The following DTWD1 variants were observed in gnomAD, a reference collection of about 807,000 sequenced individuals.
DTWD1 encodes the protein tRNA-uridine aminocarboxypropyltransferase 1.
In DTWD1, 27 loss-of-function variants were observed where a neutral mutation model predicts 30.2. That is an observed-to-expected ratio of 0.90 (90% CI 0.66 to 1.23). DTWD1 has a LOEUF of 1.23. DTWD1 is among the 50% of genes most tolerant of loss of function. The probability of loss-of-function intolerance (pLI) is 0.00; values close to 1 mark genes in which losing one functional copy is unlikely to be tolerated. For missense variants in DTWD1, 342 were observed against 348.8 expected (o/e 0.98, Z 0.15); for synonymous variants, 99 against 113.1 (o/e 0.88, Z 0.79).
rs775962273 is a variant in DTWD1 at position 49,625,471 on chromosome 15, A to AT, written c.264+46dup. On this transcript the variant is annotated intron_variant, in intron 2 of 4. Coordinates refer to ENST00000403028, the MANE Select transcript of DTWD1 (RefSeq NM_001144955.2). ...TAATTGTTTGAAAGTATGAAAATAGATTTTTTAAAAACATCTCATGTATAC... is the reference window on the plus strand; with the variant it reads ...TAATTGTTTGAAAGTATGAAAATAGATTTTTTTAAAAACATCTCATGTATAC... 1.0e-5 allele frequency: 16 copies of AT among 1,554,690 alleles called. No homozygotes were observed. In the African/African-American group the frequency reaches 1.8e-4, roughly 17 times the overall value.
At position 49,655,278 on chromosome 15, in the gene DTWD1, T is replaced by A. The variant is rs1244030048; in HGVS notation, c.*11700T>A. 4 of 152,076 alleles carry A rather than the reference T, an allele frequency of 2.6e-5. No homozygotes were observed. The highest frequency in any genetic ancestry group is 9.7e-5 in the African/African-American group (4 of 41,440). The allele number at this position is 152,076 out of a possible 1,614,324, so 9.4% of individuals were successfully genotyped here. A position where few individuals can be genotyped will look rare whatever the true frequency, so the allele number is the denominator to read the frequency against. On this transcript the variant is annotated 3_prime_UTR_variant, in exon 5 of 5. Coordinates refer to ENST00000403028, the MANE Select transcript of DTWD1 (RefSeq NM_001144955.2). ...TACACAGAAATGAGAAATTTTAAAA[T>A]GGTTGATTTAGGTAATTAAGTTTTG...
At chr15:49,632,482 T>C (rs1185061433) in intron 3 of DTWD1, among the ~76,000 whole-genome samples, 180 bp downstream of exon 3, 1 of 152,280 alleles carries the variant, frequency 6.6e-6, no homozygotes, top group Non-Finnish European at 1.5e-5. Context: ...CAGATGTTTC[T>C]AGACTGCTAT....
chr15:49,630,767 C>T (rs1028375240), intron 2 of DTWD1: 7 of 167,348 alleles, frequency 4.2e-5, no homozygotes, highest in African/African-American at 9.6e-5. Context: ...GGAACCAGGC[C>T]GCACACCAAG....
rs1051836654 is a variant in DTWD1, at chr15:49,652,400, C to T, written c.*8822C>T. ...TGGGCAGAAGTAATAAATGTGGTGC[C>T]CAAGTGATAAACCTACCAAATTGAG... is the stretch of plus-strand genomic sequence containing the variant. On this transcript the variant is annotated 3_prime_UTR_variant, in exon 5 of 5. Coordinates refer to ENST00000403028, the MANE Select transcript of DTWD1 (RefSeq NM_001144955.2). The T allele has an allele frequency of 2.6e-5, 4 of 151,950 alleles. No homozygotes were observed. Among genetic ancestry groups the T allele is most frequent in the African/African-American group, 9.7e-5 (4 of 41,376 alleles). 9.4% of individuals were successfully genotyped at this position (151,950 alleles called of 1,614,324 possible).
chr15:49,653,396 A>G lies in DTWD1; in HGVS notation c.*9818A>G, dbSNP rs2153355091. On this transcript the variant is annotated 3_prime_UTR_variant, in exon 5 of 5. Transcript: ENST00000403028. ...AAGCAAAGAAACAGATTCTTTCCAG[A>G]GTGTCCAGAAAGGAATGCAGTTCAG... The G allele has an allele frequency of 6.6e-6, 1 of 152,264 alleles. No homozygotes were observed. Among genetic ancestry groups the G allele is most frequent in the Admixed American group, 6.5e-5 (1 of 15,272 alleles). The allele number at this position is 152,264 out of a possible 1,614,324, so 9.4% of individuals were successfully genotyped here. A position where few individuals can be genotyped will look rare whatever the true frequency, so the allele number is the denominator to read the frequency against.
rs972392582 is a variant in DTWD1 at position 49,655,322 on chromosome 15, C to T, written c.*11744C>T. ...AGTTTTGGGGTGGTTTATTACATAG[C>T]AATTGATAACTGATACAACAGTCTT... is the stretch of plus-strand genomic sequence containing the variant. On this transcript the variant is annotated 3_prime_UTR_variant, in exon 5 of 5. Transcript: ENST00000403028. 3 of 151,924 alleles carry T rather than the reference C, an allele frequency of 2.0e-5. No individual in the cohort carries two copies. The highest frequency in any genetic ancestry group is 4.4e-5 in the Non-Finnish European group (3 of 67,962). The allele number at this position is 151,924 out of a possible 1,614,324, so 9.4% of individuals were successfully genotyped here. A position where few individuals can be genotyped will look rare whatever the true frequency, so the allele number is the denominator to read the frequency against.
intron 1 of DTWD1, 92 bp from the exon 2 acceptor site, chr15:49,625,021 A>C (rs573149347): frequency 1.3e-6 from 1 of 794,992 alleles, no homozygotes; most frequent in South Asian, 1.9e-5. Context: ...AACAGCACAC[A>C]ATTGTGACTT....
chr15:49,632,137 T>C (rs756705890), intron 2 of DTWD1, 22 bp from the exon 3 acceptor site: 11 of 1,538,756 alleles, frequency 7.1e-6, no homozygotes, highest in Non-Finnish European at 9.6e-6. Context: ...TATTTTTTTA[T>C]TTGTGCTTTT....
At chr15:49,636,818 TAGG>T (rs1293472852) in intron 4 of DTWD1, among the ~76,000 whole-genome samples, 4 of 152,194 alleles carry the variant, frequency 2.6e-5, no homozygotes, top group Non-Finnish European at 4.4e-5. Flanking sequence ...TGCATCAAAT[TAGG>T]AGGCACATAA....
At chr15:49,632,961 C>A (rs2078942881) in intron 3 of DTWD1, among the ~76,000 whole-genome samples, 1 of 150,374 alleles carries the variant, frequency 6.7e-6, no homozygotes, top group South Asian at 2.1e-4. Flanking sequence ...GTTGGTGTGG[C>A]TAGTATAGAA....
chr15:49,621,080 G>C lies in DTWD1; in HGVS notation c.-98G>C, dbSNP rs1055066472. 29 of 152,768 alleles carry C rather than the reference G, an allele frequency of 1.9e-4. No individual in the cohort carries two copies. Among genetic ancestry groups the C allele is most frequent in the African/African-American group, 7.0e-4 (29 of 41,594 alleles). The allele number at this position is 152,768 out of a possible 1,614,324, so 9.5% of individuals were successfully genotyped here. On this transcript the variant is annotated 5_prime_UTR_variant, in exon 1 of 5. Transcript: ENST00000403028. ...GGCGCGTGGCTCGGGCTCGGGCGGA[G>C]CTGGAGACGTGTGGAGCTGTTCGAG...
chr15:49,641,671 C>T (rs768677987), intron 4 of DTWD1, among the ~76,000 whole-genome samples: 1 of 151,834 alleles, frequency 6.6e-6, no homozygotes, highest in Non-Finnish European at 1.5e-5. Context: ...TCACTTTTTT[C>T]GTGATAGGTT....
intron 4 of DTWD1, 112 bp downstream of exon 4, chr15:49,634,906 C>G (rs2078981131): frequency 3.1e-6 from 3 of 976,794 alleles, no homozygotes; most frequent in Non-Finnish European, 4.4e-6. Flanking sequence ...ATACATTTTG[C>G]CATATTTACT....
chr15:49,647,151 G>A lies in DTWD1; in HGVS notation c.*3573G>A, dbSNP rs2153354488. ...AACATGTATATCTTAAGCATATCAA[G>A]TGTCTCATTCCTCTAATCTTTCTAG... On this transcript the variant is annotated 3_prime_UTR_variant, in exon 5 of 5. Transcript: ENST00000403028. 1 of 152,282 alleles carries A rather than the reference G, an allele frequency of 6.6e-6. No individual in the cohort carries two copies. Among genetic ancestry groups the A allele is most frequent in the South Asian group, 2.1e-4 (1 of 4,822 alleles). 9.4% of individuals were successfully genotyped at this position (152,282 alleles called of 1,614,324 possible). A position where few individuals can be genotyped will look rare whatever the true frequency, so the allele number is the denominator to read the frequency against.
chr15:49,628,846 C>A (rs780403181), intron 2 of DTWD1, among the ~76,000 whole-genome samples: 30 of 151,296 alleles, frequency 2.0e-4, no homozygotes, highest in African/African-American at 2.7e-4. Context: ...AATTTTTTTT[C>A]TTTCTTTTTT....
At chr15:49,642,125 G>A (rs766305727) in intron 4 of DTWD1, among the ~76,000 whole-genome samples, 2 of 151,518 alleles carry the variant, frequency 1.3e-5, no homozygotes, top group Non-Finnish European at 2.9e-5. Flanking sequence ...TTTATTTCTT[G>A]TCTCTGCTAC....
In DTWD1 at chr15:49,647,519, C is replaced by T. The variant is rs2153354515; in HGVS notation, c.*3941C>T. 6.6e-6 allele frequency: 1 copy of T among 152,258 alleles called. No individual in the cohort carries two copies. The highest frequency in any genetic ancestry group is 1.9e-4 in the East Asian group (1 of 5,168). 9.4% of individuals were successfully genotyped at this position (152,258 alleles called of 1,614,324 possible). A position where few individuals can be genotyped will look rare whatever the true frequency, so the allele number is the denominator to read the frequency against. On this transcript the variant is annotated 3_prime_UTR_variant, in exon 5 of 5. Coordinates refer to ENST00000403028, the MANE Select transcript of DTWD1 (RefSeq NM_001144955.2). ...GATAAGGTACCTAAGAGCCTCGAAA[C>T]ATCACCAAATACCATGAATGCATTA...
intron 1 of DTWD1, among the ~76,000 whole-genome samples, chr15:49,621,980 C>T (rs571110977): frequency 2.4e-4 from 36 of 152,004 alleles, no homozygotes; most frequent in Non-Finnish European, 4.6e-4. Flanking sequence ...GGTGAGTCAG[C>T]TTACAATAAT....
At chr15:49,627,971 A>G (rs2078866492) in intron 2 of DTWD1, among the ~76,000 whole-genome samples, 1 of 152,222 alleles carries the variant, frequency 6.6e-6, no homozygotes, top group East Asian at 1.9e-4. Flanking sequence ...TTTTTAAAAA[A>G]CTTGTGATAA....
Sources: gnomAD v4.1 joint callset for allele counts (sites outside exome capture counted in the v4.1 genomes callset) on GRCh38, gnomAD v4.1.1 for gene constraint, MANE v1.5 for transcripts, NCBI Gene and HGNC (gene_info 2026-07-23, HGNC 2026-07-21) for gene names.